Variants in PRKN observed in about 807,000 individuals in gnomAD.
PRKN encodes parkin RBR E3 ubiquitin protein ligase.
In PRKN, 56 loss-of-function variants were observed where a neutral mutation model predicts 59.5. The ratio of observed to expected loss-of-function variants is 0.94; its 90% confidence interval spans 0.76 to 1.18. PRKN has a LOEUF of 1.18. PRKN is among the 50% of genes most tolerant of loss of function. The pLI, the probability that PRKN is intolerant of heterozygous loss-of-function variation, is 0.00. For missense variants in PRKN, 657 were observed against 596.4 expected (o/e 1.10, Z -1.06); for synonymous variants, 250 against 222.1 (o/e 1.13, Z -1.12).
chr6:161,574,255 C>A (rs765245206), intron 7 of PRKN, among the ~76,000 whole-genome samples: 4 of 152,012 alleles, frequency 2.6e-5, no homozygotes, highest in Non-Finnish European at 4.4e-5. Context: ...GCAAGACGGG[C>A]CCACAGAATG....
At chr6:161,695,864 T>A (rs1326817717) in intron 7 of PRKN, among the ~76,000 whole-genome samples, 1 of 151,480 alleles carries the variant, frequency 6.6e-6, no homozygotes, top group Non-Finnish European at 1.5e-5. Flanking sequence ...ATAGGAAGAG[T>A]GAGCTTAGAT....
chr6:162,472,614 A>G (rs1791811614), intron 1 of PRKN, among the ~76,000 whole-genome samples: 3 of 127,968 alleles, frequency 2.3e-5, no homozygotes, highest in African/African-American at 8.4e-5. Flanking sequence ...CAGCCTCCCG[A>G]GTAGCTGGGA....
chr6:161,701,192 C>CG (rs927367575), intron 7 of PRKN, among the ~76,000 whole-genome samples: 3 of 152,182 alleles, frequency 2.0e-5, no homozygotes, highest in African/African-American at 7.2e-5. Context: ...GTACTTGGCT[C>CG]ACTGTGCAGG....
chr6:161,701,052 T>C (rs953930346), intron 7 of PRKN, among the ~76,000 whole-genome samples: 1 of 152,204 alleles, frequency 6.6e-6, no homozygotes, highest in Non-Finnish European at 1.5e-5. Flanking sequence ...ATTAGGAAAG[T>C]CTTGTGCCAG....
chr6:161,528,935 C>T (rs1327796262), intron 9 of PRKN, among the ~76,000 whole-genome samples: 3 of 152,182 alleles, frequency 2.0e-5, no homozygotes, highest in East Asian at 1.9e-4. Flanking sequence ...TACCAAGGGT[C>T]GAAGAAGTAA....
intron 1 of PRKN, among the ~76,000 whole-genome samples, chr6:162,678,172 GTATACACCAATTTGTATAAC>G (rs1382488028): frequency 6.6e-6 from 1 of 152,080 alleles, no homozygotes; most frequent in Non-Finnish European, 1.5e-5. Flanking sequence ...CCATTGTATA[GTATACACCAATTTGTATAAC>G]CATTCACCTG....
At chr6:162,513,113 G>A (rs757427561) in intron 1 of PRKN, among the ~76,000 whole-genome samples, 32 of 152,122 alleles carry the variant, frequency 2.1e-4, no homozygotes, top group Non-Finnish European at 3.4e-4. Context: ...TTATTAAAAC[G>A]AGAGCCTGAA....
chr6:162,428,662 C>T (rs1789360175), intron 2 of PRKN, among the ~76,000 whole-genome samples: 1 of 152,158 alleles, frequency 6.6e-6, no homozygotes, highest in Non-Finnish European at 1.5e-5. Flanking sequence ...ACAATGCGTA[C>T]ATCTGCTAGT....
At chr6:162,310,506 C>T (rs976768177) in intron 2 of PRKN, among the ~76,000 whole-genome samples, 3 of 151,982 alleles carry the variant, frequency 2.0e-5, no homozygotes, top group African/African-American at 7.2e-5. Context: ...GCCCTGCCGA[C>T]ACCTTGTTTT....
chr6:162,395,423 T>G (rs9347630), intron 2 of PRKN, among the ~76,000 whole-genome samples: 1 of 151,934 alleles, frequency 6.6e-6, no homozygotes. Flanking sequence ...CCACATGCAC[T>G]TCAGTTTGCC....
chr6:162,461,044 T>C (rs1293405402), intron 1 of PRKN, among the ~76,000 whole-genome samples: 3 of 152,086 alleles, frequency 2.0e-5, no homozygotes, highest in Non-Finnish European at 4.4e-5. Context: ...ATTTACTGAA[T>C]AAGTAACTAT....
Position 161,491,431 on chromosome 6 carries a change from G to A in PRKN, c.1083+57423C>T, listed in dbSNP as rs979481274. Among the ~76,000 whole-genome samples the A allele has an allele frequency of 2.6e-5, 4 of 152,194 alleles. No homozygotes were observed. In the East Asian group the frequency reaches 7.7e-4, roughly 29 times the overall value. On this transcript the variant is annotated intron_variant, in intron 9 of 11. Transcript: ENST00000366898. The stretch of plus-strand genomic sequence containing the variant: ...TGGGTTGTTCTTGTTAGTCCAAAGG[G>A]AGAGGGAGTCTAAGAGTATAATGTG...
At chr6:162,183,918 G>T (rs1436108974) in intron 4 of PRKN, among the ~76,000 whole-genome samples, 1 of 152,158 alleles carries the variant, frequency 6.6e-6, no homozygotes, top group Non-Finnish European at 1.5e-5. Context: ...GCCCCAGGGA[G>T]AATCCCCTGA....
intron 1 of PRKN, among the ~76,000 whole-genome samples, chr6:162,523,692 TTACAACAG>T (rs1309344566): frequency 1.3e-5 from 2 of 151,636 alleles, no homozygotes; most frequent in East Asian, 3.9e-4. Context: ...CCATTGGTTA[TTACAACAG>T]ATTTGTTTAT....
At chr6:161,374,551 GTGA>G (rs755530124) in intron 10 of PRKN, among the ~76,000 whole-genome samples, 16 of 80,548 alleles carry the variant, frequency 2.0e-4, no homozygotes, top group South Asian at 5.3e-4. Flanking sequence ...TGTGTGGTGT[GTGA>G]TGTGTGTGTG....
chr6:161,842,466 T>TAAAAA (rs61182650), intron 6 of PRKN, among the ~76,000 whole-genome samples: 9 of 135,808 alleles, frequency 6.6e-5, no homozygotes, highest in East Asian at 2.2e-4. Context: ...AATGAGACTC[T>TAAAAA]AAAAAAAAAA....
intron 2 of PRKN, among the ~76,000 whole-genome samples, chr6:162,295,776 C>A (rs1020223807): frequency 6.6e-6 from 1 of 152,112 alleles, no homozygotes; most frequent in Admixed American, 6.6e-5. Flanking sequence ...CTACGCTTGC[C>A]CTTGGAGTTT....
At chr6:162,620,417 A>G (rs1442695830) in intron 1 of PRKN, among the ~76,000 whole-genome samples, 5 of 137,396 alleles carry the variant, frequency 3.6e-5, no homozygotes, top group Admixed American at 7.5e-5. Context: ...ATTTGATTCT[A>G]AAAATTAAAA....
intron 4 of PRKN, among the ~76,000 whole-genome samples, chr6:162,145,978 C>A (rs534048939): frequency 2.6e-5 from 4 of 152,166 alleles, no homozygotes; most frequent in Non-Finnish European, 5.9e-5. Flanking sequence ...ACTATGCAAA[C>A]GTACTTTCAA....
Sources: gnomAD v4.1 joint callset for allele counts (sites outside exome capture counted in the v4.1 genomes callset) on GRCh38, gnomAD v4.1.1 for gene constraint, MANE v1.5 for transcripts, NCBI Gene and HGNC (gene_info 2026-07-23, HGNC 2026-07-21) for gene names.